Variants in PTPN4 observed in about 807,000 individuals in gnomAD.
The protein encoded by PTPN4 is protein tyrosine phosphatase non-receptor type 4.
In PTPN4, 49 loss-of-function variants were observed where a neutral mutation model predicts 135.5. That is an observed-to-expected ratio of 0.36 (90% CI 0.29 to 0.46). The LOEUF is 0.46. Ranked by LOEUF, PTPN4 falls within the 20% of genes least tolerant of loss-of-function variation. PTPN4 has a pLI of 1.00. For missense variants in PTPN4, 860 were observed against 1,101.0 expected (o/e 0.78, Z 3.10); for synonymous variants, 333 against 369.9 (o/e 0.90, Z 1.14).
intron 1 of PTPN4, among the ~76,000 whole-genome samples, chr2:119,805,133 GT>G (rs1691444782): frequency 6.6e-6 from 1 of 150,494 alleles, no homozygotes; most frequent in Non-Finnish European, 1.5e-5. Flanking sequence ...TGATGGGGTT[GT>G]TTGTTTTTTT....
At chr2:119,892,454 A>G (rs1678254110) in intron 9 of PTPN4, among the ~76,000 whole-genome samples, 1 of 152,204 alleles carries the variant, frequency 6.6e-6, no homozygotes, top group Non-Finnish European at 1.5e-5. Context: ...CTATGAAGAA[A>G]AGTTAAGCTG....
intron 1 of PTPN4, among the ~76,000 whole-genome samples, chr2:119,784,595 G>C (rs1691010789): frequency 6.6e-6 from 1 of 151,596 alleles, no homozygotes; most frequent in Admixed American, 6.6e-5. Context: ...CGCTGTGTTA[G>C]CCAGGATGGT....
At chr2:119,946,598 T>TC (rs1679136336) in intron 18 of PTPN4, 24 bp downstream of exon 18, 3 of 1,500,298 alleles carry the variant, frequency 2.0e-6, no homozygotes, top group Non-Finnish European at 2.8e-6. Flanking sequence ...ATGTTTCAAA[T>TC]AAATCCTGTT....
intron 2 of PTPN4, among the ~76,000 whole-genome samples, chr2:119,822,489 G>T (rs1466223076): frequency 6.6e-6 from 1 of 151,438 alleles, no homozygotes; most frequent in Non-Finnish European, 1.5e-5. Flanking sequence ...CTCCCAAGTA[G>T]CTGGGACTAC....
chr2:119,859,145 T>C (rs114779323), intron 2 of PTPN4, among the ~76,000 whole-genome samples: 338 of 152,344 alleles, frequency 2.2e-3, no homozygotes, highest in Non-Finnish European at 4.0e-3. Flanking sequence ...TAATTTCTTT[T>C]CAACAGCATT....
chr2:119,882,670 C>G, intron 8 of PTPN4, 47 bp downstream of exon 8: 1 of 1,388,234 alleles, frequency 7.2e-7, no homozygotes. Flanking sequence ...TAATGGCATT[C>G]TTTCTAGAGA....
intron 22 of PTPN4, among the ~76,000 whole-genome samples, 158 bp downstream of exon 22, chr2:119,957,235 T>TTA (rs1679302129): frequency 6.6e-6 from 1 of 152,150 alleles, no homozygotes; most frequent in Non-Finnish European, 1.5e-5. Context: ...ATTTTGGTAC[T>TTA]TGTGTATTAA....
Position 119,809,887 on chromosome 2 carries a change from A to G in PTPN4, c.34A>G (p.Thr12Ala). The G allele has an allele frequency of 6.2e-7, 1 of 1,613,348 alleles. No individual in the cohort carries two copies. The highest frequency in any genetic ancestry group is 1.1e-5 in the South Asian group (1 of 90,936). Residue 12 changes from threonine (T) to alanine (A), a missense_variant, in exon 2 of 27, where the codon ACC becomes GCC. By Grantham distance (58) the Thr-to-Ala change is moderately conservative. Transcript: ENST00000263708. ...ACGTTTCCGATTGCCTGCTGGCAGA[A>G]CCTACAATGTACGAGCATCAGAGTT... is the stretch of plus-strand genomic sequence containing the variant. ...TSRFRLPAGR[T>A]YNVRASELAR...
chr2:119,848,286 G>A (rs1040352499), intron 2 of PTPN4, among the ~76,000 whole-genome samples: 10 of 150,574 alleles, frequency 6.6e-5, no homozygotes, highest in South Asian at 6.3e-4. Flanking sequence ...CCATTCTCCC[G>A]CCTCAGCCTC....
At chr2:119,810,596 T>C (rs1488745373) in intron 2 of PTPN4, among the ~76,000 whole-genome samples, 1 of 152,222 alleles carries the variant, frequency 6.6e-6, no homozygotes, top group African/African-American at 2.4e-5. Context: ...TTATTGTTGG[T>C]ATATATTTGG....
At chr2:119,924,709 TA>T (rs1006469877) in intron 12 of PTPN4, among the ~76,000 whole-genome samples, 20 of 132,344 alleles carry the variant, frequency 1.5e-4, no homozygotes, top group African/African-American at 6.2e-4. Context: ...TTTCTTTCAT[TA>T]ATTTTAAAAA....
chr2:119,889,153 C>T (rs1372494118), intron 9 of PTPN4, among the ~76,000 whole-genome samples: 2 of 152,158 alleles, frequency 1.3e-5, no homozygotes, highest in Admixed American at 6.6e-5. Context: ...GGCACAGTGG[C>T]TCATGCCTGT....
chr2:119,918,846 T>C (rs1678696335), intron 11 of PTPN4, among the ~76,000 whole-genome samples: 1 of 152,194 alleles, frequency 6.6e-6, no homozygotes, highest in African/African-American at 2.4e-5. Context: ...CTGTGAACAG[T>C]AAAGTGGATA....
intron 9 of PTPN4, among the ~76,000 whole-genome samples, chr2:119,887,514 T>C (rs1006293095): frequency 6.6e-6 from 1 of 152,192 alleles, no homozygotes; most frequent in Non-Finnish European, 1.5e-5. Flanking sequence ...GTTTCGGGTA[T>C]TACACTTTAG....
At position 119,941,036 on chromosome 2, in the gene PTPN4, C is replaced by T. The variant is rs572543086; in HGVS notation, c.1356-4045C>T. On this transcript the variant is annotated intron_variant, in intron 15 of 26. Coordinates refer to ENST00000263708, the MANE Select transcript of PTPN4 (RefSeq NM_002830.4). ...TGTAATTTCTGACAGGGCTGTGTTT[C>T]ACTATGCTGCCTGGTTATTCTCCAA... Among the ~76,000 whole-genome samples the T allele has an allele frequency of 3.3e-5, 5 of 152,254 alleles. No individual in the cohort carries two copies. The South Asian group carries it at 1.0e-3, about 32-fold the overall frequency.
At position 119,965,747 on chromosome 2, in the gene PTPN4, A is replaced by C. The variant is rs1191252091; in HGVS notation, c.2558+102A>C. Reference sequence around the variant, plus strand: ...CTTATGGTGTTATTGTCACTGTAATAATTAGAACTCAAAGCTATGCTCTGA... The same window carrying C: ...CTTATGGTGTTATTGTCACTGTAATCATTAGAACTCAAAGCTATGCTCTGA... On this transcript the variant is annotated intron_variant, in intron 25 of 26. Transcript: ENST00000263708. 37 of 1,343,554 alleles carry C rather than the reference A, an allele frequency of 2.8e-5. 1 individual carries two copies. In the South Asian group the frequency reaches 5.4e-4, roughly 20 times the overall value. 83.2% of individuals were successfully genotyped at this position (1,343,554 alleles called of 1,614,324 possible). A position where few individuals can be genotyped will look rare whatever the true frequency, so the allele number is the denominator to read the frequency against.
At chr2:119,976,879 T>G (rs1679625338) in intron 26 of PTPN4, 105 bp from the exon 27 acceptor site, 3 of 1,493,230 alleles carry the variant, frequency 2.0e-6, no homozygotes, top group Non-Finnish European at 2.7e-6. Flanking sequence ...TGTTTTGCAT[T>G]TTTTAAGTAA....
intron 1 of PTPN4, 141 bp downstream of exon 1, chr2:119,760,525 G>A (rs1690464271): frequency 2.6e-6 from 1 of 380,840 alleles, no homozygotes; most frequent in Non-Finnish European, 4.6e-6. Flanking sequence ...AAGGAAAAAA[G>A]GACAAAAACA....
At chr2:119,940,494 C>T (rs539970123) in intron 15 of PTPN4, among the ~76,000 whole-genome samples, 2 of 152,222 alleles carry the variant, frequency 1.3e-5, no homozygotes, top group South Asian at 2.1e-4. Flanking sequence ...GTCTCTTTGT[C>T]TCCCAGGCTG....
Sources: gnomAD v4.1 joint callset for allele counts (sites outside exome capture counted in the v4.1 genomes callset) on GRCh38, gnomAD v4.1.1 for gene constraint, MANE v1.5 for transcripts, NCBI Gene and HGNC (gene_info 2026-07-23, HGNC 2026-07-21) for gene names.